HHIPL1: variants seen among roughly 807,000 people sequenced by gnomAD.
HHIPL1 encodes the protein HHIP like 1.
In HHIPL1, 43 loss-of-function variants were observed where a neutral mutation model predicts 61.8. The observed-to-expected ratio is 0.70, with a 90% CI of 0.55 to 0.90. The LOEUF (loss-of-function observed/expected upper bound fraction) is 0.90, where lower values mean the gene tolerates loss of function less well. Among genes scored for constraint, HHIPL1 ranks in the 40% least tolerant of loss-of-function variants. The pLI is 0.00. For missense variants in HHIPL1, 1,056 were observed against 1,157.7 expected (o/e 0.91, Z 1.28); for synonymous variants, 482 against 515.8 (o/e 0.93, Z 0.89).
chr14:99,626,651 C>A, the HHIPL1 span, among the ~76,000 whole-genome samples: 1 of 152,238 alleles, frequency 6.6e-6, no homozygotes, highest in African/African-American at 2.4e-5. Flanking sequence ...GGGGTAATTT[C>A]TTTCTGCTCT....
At chr14:99,621,365 G>A in the HHIPL1 span, among the ~76,000 whole-genome samples, 10 of 152,312 alleles carry the variant, frequency 6.6e-5, no homozygotes, top group Admixed American at 3.9e-4. Context: ...ACAGAAGGCC[G>A]CCCTCTGTCC....
Position 99,675,144 on chromosome 14 carries a change from C to T in HHIPL1, c.1867C>T (p.Arg623Trp). 5 of 1,109,066 alleles carry T rather than the reference C, an allele frequency of 4.5e-6. No homozygotes were observed. The highest frequency in any genetic ancestry group is 5.5e-6 in the Non-Finnish European group (5 of 902,410). 68.7% of individuals were successfully genotyped at this position (1,109,066 alleles called of 1,614,324 possible). A position where few individuals can be genotyped will look rare whatever the true frequency, so the allele number is the denominator to read the frequency against. ...TPRPTARAPT[R>W]APRRGRPTAA... ...GCGGCCTACAGCGCGGGCGCCCACG[C>T]GGGCGCCCCGCCGAGGGCGCCCCAC... The change falls in exon 9 of 9, where the codon CGG (arginine) becomes TGG (tryptophan). Residue 623 changes from arginine (R) to tryptophan (W), a missense_variant. Arg to Trp is a moderately radical substitution (Grantham distance 101). Coordinates refer to ENST00000330710, the MANE Select transcript of HHIPL1 (RefSeq NM_001127258.3). The surrounding 1 kb of genome is among the most constrained non-coding windows in gnomAD (Gnocchi z 5.4).
intron 1 of HHIPL1, among the ~76,000 whole-genome samples, chr14:99,649,078 T>C (rs1312523966): frequency 1.3e-5 from 2 of 152,196 alleles, no homozygotes; most frequent in African/African-American, 4.8e-5. Flanking sequence ...GCAATCACTA[T>C]GTCTTCTTGT....
rs563088894 is a variant in HHIPL1, at chr14:99,665,648, A to G, written c.1649-2574A>G. Among the ~76,000 whole-genome samples, 327 of 152,124 alleles carry G rather than the reference A, an allele frequency of 2.1e-3. 1 individual carries two copies. The highest frequency in any genetic ancestry group is 7.4e-3 in the African/African-American group (307 of 41,496). ...TGGGGTCTTACTGTGTTGCCTAGGC[A>G]GGTGTGGAACTCCTGGGCTCAAGTG... On this transcript the variant is annotated intron_variant, in intron 6 of 8. Transcript: ENST00000330710.
rs2056125632 is a variant in HHIPL1, at chr14:99,660,135, C to T, written c.1376-145C>T. On this transcript the variant is annotated intron_variant, in intron 4 of 8. Coordinates refer to ENST00000330710, the MANE Select transcript of HHIPL1 (RefSeq NM_001127258.3). This position sits in a 1 kb window ranked among gnomAD's most constrained non-coding sequence, Gnocchi z 4.9. ...CAGACACGCTTTCCACCACGCCAGC[C>T]CTGCTGTGGGCACGCCAGCCCTGCT... The T allele has an allele frequency of 6.0e-6, 4 of 669,254 alleles. No homozygotes were observed. The highest frequency in any genetic ancestry group is 2.6e-5 in the South Asian group (1 of 38,556). 41.5% of individuals were successfully genotyped at this position (669,254 alleles called of 1,614,324 possible). A position where few individuals can be genotyped will look rare whatever the true frequency, so the allele number is the denominator to read the frequency against.
At chr14:99,658,864 G>A (rs137932519) in intron 3 of HHIPL1, among the ~76,000 whole-genome samples, 3 of 152,182 alleles carry the variant, frequency 2.0e-5, no homozygotes, top group Non-Finnish European at 2.9e-5. Flanking sequence ...TCACAGTGCC[G>A]AGTACTGGAA....
the HHIPL1 span, among the ~76,000 whole-genome samples, chr14:99,630,303 G>A: frequency 6.6e-6 from 1 of 152,338 alleles, no homozygotes; most frequent in Admixed American, 6.5e-5. Context: ...GGGAGAGGAA[G>A]CCCCTGGTCC....
Position 99,645,263 on chromosome 14 carries a change from C to CGCATCCGCAGT in HHIPL1, c.59_69dup (p.Leu24IlefsTer37), listed in dbSNP as rs2055810592. 2 of 1,404,582 alleles carry CGCATCCGCAGT rather than the reference C, an allele frequency of 1.4e-6. No homozygotes were observed. Among genetic ancestry groups the CGCATCCGCAGT allele is most frequent in the Non-Finnish European group, 1.8e-6 (2 of 1,082,794 alleles). The allele number at this position is 1,404,582 out of a possible 1,614,324, so 87.0% of individuals were successfully genotyped here. On this transcript the variant is annotated frameshift_variant, in exon 1 of 9. Transcript: ENST00000330710. LOFTEE classifies it high-confidence loss of function. Reference sequence around the variant, plus strand: ...GCGCTTTGGGTGCTCGGGGCCGCCGCGCATCCGCAGTGCCTGGACTTCAGG... The same window carrying CGCATCCGCAGT: ...GCGCTTTGGGTGCTCGGGGCCGCCGCGCATCCGCAGTGCATCCGCAGTGCCTGGACTTCAGG...
At chr14:99,661,842 A>C (rs1297132369) in intron 5 of HHIPL1, among the ~76,000 whole-genome samples, 1 of 152,176 alleles carries the variant, frequency 6.6e-6, no homozygotes, top group East Asian at 1.9e-4. Flanking sequence ...GAATAAAGAC[A>C]TGAAGATGCC....
chr14:99,641,407 T>C (rs1015623315), upstream of HHIPL1, among the ~76,000 whole-genome samples: 7 of 151,808 alleles, frequency 4.6e-5, no homozygotes, highest in African/African-American at 1.5e-4. Context: ...GCCTGGTTTC[T>C]TTCTTTTTCT....
At chr14:99,640,877 CTTTTTTTTTTTT>C (rs59137552), upstream of HHIPL1, among the ~76,000 whole-genome samples, 977 of 69,898 alleles carry the variant, frequency 0.014, 30 homozygotes, top group African/African-American at 0.053. Context: ...ACTTCTTCTT[CTTTTTTTTTTTT>C]TTTTTTTTTT....
At chr14:99,631,320 C>A in the HHIPL1 span, among the ~76,000 whole-genome samples, 3 of 152,170 alleles carry the variant, frequency 2.0e-5, no homozygotes, top group East Asian at 5.8e-4. Flanking sequence ...ATCTGCCCAC[C>A]TCAGCCTCCC....
At chr14:99,628,646 G>A in the HHIPL1 span, among the ~76,000 whole-genome samples, 1 of 152,092 alleles carries the variant, frequency 6.6e-6, no homozygotes, top group East Asian at 1.9e-4. Flanking sequence ...TGGTAAGCAT[G>A]TATTTTCTTT....
chr14:99,663,595 T>C (rs2056190659), intron 6 of HHIPL1, among the ~76,000 whole-genome samples: 1 of 152,332 alleles, frequency 6.6e-6, no homozygotes, highest in African/African-American at 2.4e-5. Flanking sequence ...TGTGACAGAA[T>C]GCCTTAACTG....
At chr14:99,616,986 G>A in the HHIPL1 span, among the ~76,000 whole-genome samples, 1 of 152,136 alleles carries the variant, frequency 6.6e-6, no homozygotes, top group Non-Finnish European at 1.5e-5. Context: ...GAACAACCAG[G>A]GAGTGTGCGA....
the HHIPL1 span, among the ~76,000 whole-genome samples, chr14:99,636,909 G>A: frequency 6.7e-6 from 1 of 149,570 alleles, no homozygotes; most frequent in Non-Finnish European, 1.5e-5. Context: ...GCTTGAGCCT[G>A]TAGTGAGCTG....
chr14:99,620,868 C>A, the HHIPL1 span, among the ~76,000 whole-genome samples: 1 of 152,178 alleles, frequency 6.6e-6, no homozygotes, highest in Admixed American at 6.5e-5. Context: ...GGAGTCAGAC[C>A]TGGAGGCCGG....
chr14:99,620,560 G>A, the HHIPL1 span, among the ~76,000 whole-genome samples: 1 of 152,262 alleles, frequency 6.6e-6, no homozygotes, highest in East Asian at 1.9e-4. Context: ...CCCGCAGGGG[G>A]GCTAAGGGCA....
Position 99,675,668 on chromosome 14 carries a change from C to A in HHIPL1, c.*42C>A. ...CCAGGCCATCCCGCCGGCGGGGGAG[C>A]CTGGCAGGGGCCGCTCCGCCCTGTG... On this transcript the variant is annotated 3_prime_UTR_variant, in exon 9 of 9. Coordinates refer to ENST00000330710, the MANE Select transcript of HHIPL1 (RefSeq NM_001127258.3). The surrounding 1 kb of genome is among the most constrained non-coding windows in gnomAD (Gnocchi z 5.4). 8 of 1,468,450 alleles carry A rather than the reference C, an allele frequency of 5.4e-6. No homozygotes were observed. Among genetic ancestry groups the A allele is most frequent in the Non-Finnish European group, 7.2e-6 (8 of 1,110,070 alleles). 91.0% of individuals were successfully genotyped at this position (1,468,450 alleles called of 1,614,324 possible).
Sources: gnomAD v4.1 joint callset for allele counts (sites outside exome capture counted in the v4.1 genomes callset) on GRCh38, gnomAD v4.1.1 for gene constraint, Gnocchi (gnomAD v3.1) non-coding constraint, MANE v1.5 for transcripts, NCBI Gene and HGNC (gene_info 2026-07-23, HGNC 2026-07-21) for gene names.